SMIM31: variants seen among roughly 807,000 people sequenced by gnomAD.
SMIM31 encodes the protein human epithelial cell program regulator.
Position 164,800,941 on chromosome 4 carries a change from C to T in SMIM31, c.113-150C>T, listed in dbSNP as rs896827751. 1.8e-5 allele frequency: 7 copies of T among 385,772 alleles called. No homozygotes were observed. In the East Asian group the frequency reaches 1.8e-4, roughly 10 times the overall value. The allele number at this position is 385,772 out of a possible 1,614,324, so 23.9% of individuals were successfully genotyped here. A position where few individuals can be genotyped will look rare whatever the true frequency, so the allele number is the denominator to read the frequency against. On this transcript the variant is annotated intron_variant, in intron 2 of 2. Coordinates refer to ENST00000507311, the MANE Select transcript of SMIM31 (RefSeq NM_001352885.1). ...GGGCAAATGTCCTCTCATCCTTGCT[C>T]TGTCTCCTTTCGCTAGGTGTAATCC...
chr4:164,776,640 C>G (rs1459345884), intron 2 of SMIM31, among the ~76,000 whole-genome samples: 1 of 152,186 alleles, frequency 6.6e-6, no homozygotes, highest in African/African-American at 2.4e-5. Context: ...TGCATGTCAT[C>G]TAGAATGTAA....
intron 2 of SMIM31, among the ~76,000 whole-genome samples, chr4:164,782,012 C>T (rs987480906): frequency 5.3e-5 from 8 of 152,030 alleles, no homozygotes; most frequent in Admixed American, 1.3e-4. Context: ...AATTTTGGGC[C>T]GGGCATGGTG....
At chr4:164,773,644 G>A (rs1732842293) in intron 2 of SMIM31, among the ~76,000 whole-genome samples, 1 of 152,158 alleles carries the variant, frequency 6.6e-6, no homozygotes, top group African/African-American at 2.4e-5. Flanking sequence ...ACAACACGTG[G>A]GGATTATGAG....
At chr4:164,795,818 A>G (rs1302889143) in intron 2 of SMIM31, among the ~76,000 whole-genome samples, 1 of 152,222 alleles carries the variant, frequency 6.6e-6, no homozygotes, top group Non-Finnish European at 1.5e-5. Flanking sequence ...TGCTTACAAT[A>G]TGCCGGGGCT....
At chr4:164,764,051 G>A (rs924123130) in intron 1 of SMIM31, among the ~76,000 whole-genome samples, 3 of 152,056 alleles carry the variant, frequency 2.0e-5, no homozygotes, top group Admixed American at 1.3e-4. Flanking sequence ...ATTAATAACT[G>A]TAATTTTTAA....
At chr4:164,779,057 C>A (rs774406432) in intron 2 of SMIM31, among the ~76,000 whole-genome samples, 6 of 151,094 alleles carry the variant, frequency 4.0e-5, no homozygotes, top group Non-Finnish European at 8.8e-5. Context: ...TCTTTAACTA[C>A]CTTAAAGTTG....
chr4:164,767,642 G>A (rs1355189056), intron 1 of SMIM31, among the ~76,000 whole-genome samples: 1 of 152,184 alleles, frequency 6.6e-6, no homozygotes, highest in Non-Finnish European at 1.5e-5. Flanking sequence ...AACAGTGTAG[G>A]CATCAGAAGC....
intron 2 of SMIM31, among the ~76,000 whole-genome samples, chr4:164,780,382 G>A (rs1033781305): frequency 3.9e-5 from 6 of 152,344 alleles, no homozygotes; most frequent in South Asian, 4.1e-4. Context: ...AGCCGAGATT[G>A]CGCCACTGCA....
chr4:164,772,459 A>G (rs533973948), intron 2 of SMIM31, among the ~76,000 whole-genome samples: 4 of 152,358 alleles, frequency 2.6e-5, no homozygotes, highest in Non-Finnish European at 5.9e-5. Flanking sequence ...TGAAAAGGGC[A>G]GAACGCGAAG....
chr4:164,800,852 C>T (rs1049478095), intron 2 of SMIM31, among the ~76,000 whole-genome samples: 1 of 152,092 alleles, frequency 6.6e-6, no homozygotes, highest in African/African-American at 2.4e-5. Context: ...TGTCATTAGC[C>T]TTTGCGATAC....
rs796468826 is a variant in SMIM31, at chr4:164,771,645, C to CA, written c.112+1104dup. Among the ~76,000 whole-genome samples, 692 of 134,198 alleles carry CA rather than the reference C, an allele frequency of 5.2e-3. 2 individuals carry two copies. The highest frequency in any genetic ancestry group is 7.7e-3 in the Middle Eastern group (2 of 260). 88.0% of individuals were successfully genotyped at this position (134,198 alleles called of 152,430 possible). On this transcript the variant is annotated intron_variant, in intron 2 of 2. Coordinates refer to ENST00000507311, the MANE Select transcript of SMIM31 (RefSeq NM_001352885.1). ...TGAAACCCCGTCTCTACTAAAAATA[C>CA]AAAAAAAAAAAAAATTAGCTGGGCT...
chr4:164,771,603 C>G (rs573984816), intron 2 of SMIM31, among the ~76,000 whole-genome samples: 13 of 151,678 alleles, frequency 8.6e-5, no homozygotes, highest in Admixed American at 2.0e-4. Flanking sequence ...AGATCAAGAC[C>G]ATCCTGGCTA....
At chr4:164,770,199 G>A (rs1389938892) in intron 1 of SMIM31, among the ~76,000 whole-genome samples, 1 of 152,084 alleles carries the variant, frequency 6.6e-6, no homozygotes, top group African/African-American at 2.4e-5. Flanking sequence ...CAGATTTCTA[G>A]GCTCTCTTCC....
intron 2 of SMIM31, 55 bp from the exon 3 acceptor site, chr4:164,801,036 A>G (rs1733276267): frequency 7.5e-6 from 3 of 398,054 alleles, no homozygotes; most frequent in Non-Finnish European, 1.3e-5. Context: ...GTTAATTTCT[A>G]CTTTTTCCAA....
Position 164,762,678 on chromosome 4 carries a change from AAAAAAG to A in SMIM31, c.-25-7719_-25-7714del, listed in dbSNP as rs1182226763. On this transcript the variant is annotated intron_variant, in intron 1 of 2. Transcript: ENST00000507311. ...ACTCTGTCTCAAAAAAAAAAAAAAA[AAAAAAG>A]AAAAAGAAAAAGAAAAAGAAAGAAA... 8.0e-5 allele frequency among the ~76,000 whole-genome samples: 11 copies of A among 138,342 alleles called. No homozygotes were observed. In the South Asian group the frequency reaches 9.3e-4, roughly 12 times the overall value. 90.8% of individuals were successfully genotyped at this position (138,342 alleles called of 152,430 possible).
At chr4:164,769,641 T>C (rs991369454) in intron 1 of SMIM31, among the ~76,000 whole-genome samples, 1 of 151,284 alleles carries the variant, frequency 6.6e-6, no homozygotes, top group African/African-American at 2.4e-5. Flanking sequence ...ATATACCTAA[T>C]GTTAAATTAT....
intron 2 of SMIM31, among the ~76,000 whole-genome samples, chr4:164,788,505 T>TTTTTTTTTTTTTTTTTTTTC (rs1733058422): frequency 7.3e-6 from 1 of 136,508 alleles, no homozygotes; most frequent in Non-Finnish European, 1.6e-5. Flanking sequence ...TTTTTTTTTT[T>TTTTTTTTTTTTTTTTTTTTC]TGAGACGGAG....
rs531918491 is a variant in SMIM31 at position 164,802,838 on chromosome 4, C to T, written c.*1644C>T. On this transcript the variant is annotated 3_prime_UTR_variant, in exon 3 of 3. Coordinates refer to ENST00000507311, the MANE Select transcript of SMIM31 (RefSeq NM_001352885.1). ...CCAAGTAGTCACCCAGGTCAGAGTA[C>T]TAAACATTTAAAAGGGCTCACTAAG... 1 of 152,328 alleles carries T rather than the reference C, an allele frequency of 6.6e-6. No individual in the cohort carries two copies. Among genetic ancestry groups the T allele is most frequent in the South Asian group, 2.1e-4 (1 of 4,826 alleles). 9.4% of individuals were successfully genotyped at this position (152,328 alleles called of 1,614,324 possible). A position where few individuals can be genotyped will look rare whatever the true frequency, so the allele number is the denominator to read the frequency against.
In SMIM31 at chr4:164,758,622, C is replaced by CTTTTTTTTTTTTTTTTTTTTTTTTT. The variant is rs779023276; in HGVS notation, c.-26+4218_-26+4219insTTTTTTTTTTTTTTTTTTTTTTTTT. On this transcript the variant is annotated intron_variant, in intron 1 of 2. Transcript: ENST00000507311. ...GGAAATGACCATATATGTAGTTTTC[C>CTTTTTTTTTTTTTTTTTTTTTTTTT]TTTTTTTGTTTTTTTTTTTTTTTTT... Among the ~76,000 whole-genome samples, 2 of 105,390 alleles carry CTTTTTTTTTTTTTTTTTTTTTTTTT rather than the reference C, an allele frequency of 1.9e-5. 1 individual carries two copies. The allele number at this position is 105,390 out of a possible 152,430, so 69.1% of individuals were successfully genotyped here.
Sources: gnomAD v4.1 joint callset for allele counts (sites outside exome capture counted in the v4.1 genomes callset) on GRCh38, gnomAD v4.1.1 for gene constraint, MANE v1.5 for transcripts, NCBI Gene and HGNC (gene_info 2026-07-23, HGNC 2026-07-21) for gene names.